ZNF644: variants seen among roughly 807,000 people sequenced by gnomAD.
ZNF644 encodes zinc finger protein 644.
A neutral mutation model predicts 108.0 loss-of-function variants in ZNF644; 20 were observed. The ratio of observed to expected loss-of-function variants is 0.19; its 90% CI spans 0.13 to 0.27. The LOEUF is 0.27. Among genes scored for constraint, ZNF644 ranks in the 10% least tolerant of loss-of-function variants. The pLI, the probability that ZNF644 is intolerant of heterozygous loss-of-function variation, is 1.00. For missense variants in ZNF644, 1,338 were observed against 1,548.9 expected (o/e 0.86, Z 2.29); for synonymous variants, 542 against 539.1 (o/e 1.01, Z -0.08).
At chr1:90,955,428 C>G (rs1653656701) in intron 2 of ZNF644, among the ~76,000 whole-genome samples, 1 of 152,178 alleles carries the variant, frequency 6.6e-6, no homozygotes, top group African/African-American at 2.4e-5. Context: ...GCATCTTCTT[C>G]TTGTAGAAAG....
chr1:90,978,247 G>A (rs893321609), intron 2 of ZNF644, among the ~76,000 whole-genome samples: 5 of 151,952 alleles, frequency 3.3e-5, no homozygotes, highest in Non-Finnish European at 5.9e-5. Flanking sequence ...AGCTACTCAG[G>A]AGGCTGAGGC....
At chr1:90,966,979 T>C (rs1046983982) in intron 2 of ZNF644, among the ~76,000 whole-genome samples, 3 of 152,100 alleles carry the variant, frequency 2.0e-5, no homozygotes, top group Admixed American at 6.6e-5. Flanking sequence ...AATCTACTGT[T>C]CCCCTTTCTA....
At chr1:90,930,248 T>C (rs1389741435) in intron 4 of ZNF644, among the ~76,000 whole-genome samples, 1 of 152,150 alleles carries the variant, frequency 6.6e-6, no homozygotes, top group Non-Finnish European at 1.5e-5. Flanking sequence ...ACTGCACCAT[T>C]GCACTCCAGC....
chr1:91,013,295 C>CAA (rs1660127459), intron 1 of ZNF644, among the ~76,000 whole-genome samples: 1 of 152,092 alleles, frequency 6.6e-6, no homozygotes, highest in African/African-American at 2.4e-5. Flanking sequence ...AAGCTGGTCT[C>CAA]AAACTCCTGA....
intron 4 of ZNF644, among the ~76,000 whole-genome samples, chr1:90,925,440 G>GCT (rs773600094): frequency 8.5e-5 from 13 of 152,088 alleles, no homozygotes; most frequent in Non-Finnish European, 1.9e-4. Flanking sequence ...TTGAACCTAT[G>GCT]CTCCCAGGTG....
Position 91,004,929 on chromosome 1 carries a change from A to C in ZNF644, c.-18+17061T>G, listed in dbSNP as rs187832519. ...ACAGGACTAGAGGAATAACCACCCC[A>C]AAAAACAATGAGACACATAGAAAAC... On this transcript the variant is annotated intron_variant, in intron 1 of 5. Coordinates refer to ENST00000337393, the MANE Select transcript of ZNF644 (RefSeq NM_201269.3). Among the ~76,000 whole-genome samples the C allele has an allele frequency of 1.5e-3, 233 of 152,220 alleles. 1 individual carries two copies. Among genetic ancestry groups the C allele is most frequent in the African/African-American group, 5.2e-3 (218 of 41,550 alleles).
At chr1:90,923,585 C>T (rs1260386976) in intron 4 of ZNF644, among the ~76,000 whole-genome samples, 1 of 152,054 alleles carries the variant, frequency 6.6e-6, no homozygotes, top group East Asian at 1.9e-4. Flanking sequence ...TCAACATTTT[C>T]CCTTGATATT....
intron 2 of ZNF644, among the ~76,000 whole-genome samples, chr1:90,955,487 T>A (rs1653665162): frequency 6.6e-6 from 1 of 152,232 alleles, no homozygotes; most frequent in South Asian, 2.1e-4. Flanking sequence ...GCCATTCTCA[T>A]GAATTGTCAG....
intron 1 of ZNF644, among the ~76,000 whole-genome samples, chr1:91,006,474 T>G (rs2101719318): frequency 6.6e-6 from 1 of 152,258 alleles, no homozygotes; most frequent in East Asian, 1.9e-4. Flanking sequence ...TTTCAATAAT[T>G]AACACTATTC....
chr1:91,001,752 G>C (rs1416582352), intron 1 of ZNF644, among the ~76,000 whole-genome samples: 3 of 152,180 alleles, frequency 2.0e-5, no homozygotes, highest in Non-Finnish European at 4.4e-5. Context: ...AATTGTCCCT[G>C]TTTGCAGATG....
chr1:91,012,311 A>G (rs933724493), intron 1 of ZNF644, among the ~76,000 whole-genome samples: 3 of 145,862 alleles, frequency 2.1e-5, no homozygotes, highest in African/African-American at 7.7e-5. Flanking sequence ...TCTACTACCG[A>G]AAGAAAAAAA....
At position 90,929,878 on chromosome 1, in the gene ZNF644, C is replaced by T. The variant is rs139708805; in HGVS notation, c.3688+7607G>A. Among the ~76,000 whole-genome samples the T allele has an allele frequency of 3.0e-4, 45 of 152,204 alleles. No individual in the cohort carries two copies. The East Asian group carries it at 4.2e-3, about 14-fold the overall frequency. ...AAACACTGACTTGATTTTTTAAAAACGTTAATATATTGCACTAGTGGTATT... is the reference window on the plus strand; with the variant it reads ...AAACACTGACTTGATTTTTTAAAAATGTTAATATATTGCACTAGTGGTATT... On this transcript the variant is annotated intron_variant, in intron 4 of 5. Coordinates refer to ENST00000337393, the MANE Select transcript of ZNF644 (RefSeq NM_201269.3).
intron 1 of ZNF644, among the ~76,000 whole-genome samples, chr1:91,017,577 A>C (rs1660536205): frequency 6.6e-6 from 1 of 152,182 alleles, no homozygotes; most frequent in Non-Finnish European, 1.5e-5. Flanking sequence ...ACATCTCTCA[A>C]TTGTCAAAGG....
At chr1:90,970,705 T>C (rs544870428) in intron 2 of ZNF644, among the ~76,000 whole-genome samples, 9 of 152,202 alleles carry the variant, frequency 5.9e-5, no homozygotes, top group African/African-American at 2.2e-4. Flanking sequence ...GTAATTAGTG[T>C]GAAGCATATA....
intron 1 of ZNF644, among the ~76,000 whole-genome samples, chr1:91,012,089 C>T (rs1039849635): frequency 1.3e-5 from 2 of 152,022 alleles, no homozygotes; most frequent in African/African-American, 4.8e-5. Context: ...TAAGAAGCAC[C>T]TCTCTGATTT....
rs78190040 is a variant in ZNF644, at chr1:90,920,986, G to A, written c.3689-2832C>T. On this transcript the variant is annotated intron_variant, in intron 4 of 5. Transcript: ENST00000337393. ...TGCCAATATCCAAACCCACTCCTGT[G>A]ATACTGCCCATACCTTTGGGAAAAT... Among the ~76,000 whole-genome samples the A allele has an allele frequency of 4.4e-3, 664 of 152,054 alleles. 3 individuals carry two copies. The highest frequency in any genetic ancestry group is 0.014 in the African/African-American group (575 of 41,504).
At chr1:91,004,309 A>C (rs1335500541) in intron 1 of ZNF644, among the ~76,000 whole-genome samples, 1 of 152,212 alleles carries the variant, frequency 6.6e-6, no homozygotes, top group Non-Finnish European at 1.5e-5. Context: ...TCCTAAAAGA[A>C]GCAAGAAAGA....
At chr1:90,959,252 C>A (rs1473923736) in intron 2 of ZNF644, among the ~76,000 whole-genome samples, 2 of 152,066 alleles carry the variant, frequency 1.3e-5, no homozygotes, top group Non-Finnish European at 2.9e-5. Flanking sequence ...AACGAAAAAA[C>A]CAAAACTAAC....
intron 1 of ZNF644, among the ~76,000 whole-genome samples, chr1:90,984,761 T>C (rs952229803): frequency 3.3e-5 from 5 of 152,156 alleles, no homozygotes; most frequent in African/African-American, 1.2e-4. Context: ...AAAAGAGAGA[T>C]GCCTCAGGAG....
Sources: allele counts gnomAD v4.1 joint callset (sites outside exome capture counted in the v4.1 genomes callset), GRCh38; gene constraint gnomAD v4.1.1; transcripts MANE v1.5; gene names NCBI Gene and HGNC (gene_info 2026-07-23, HGNC 2026-07-21).